The following NIT1 variants were observed in gnomAD, a reference collection of about 807,000 sequenced individuals.
NIT1 encodes the protein deaminated glutathione amidase.
In NIT1, 30 loss-of-function variants were observed where a neutral mutation model predicts 36.8. That is an observed-to-expected ratio of 0.82 (90% confidence interval 0.61 to 1.11). The LOEUF is 1.11. Among genes scored for constraint, NIT1 ranks in the 50% least tolerant of loss-of-function variants. NIT1 has a pLI of 0.00. For synonymous variants in NIT1, 151 were observed against 155.6 expected (o/e 0.97, Z 0.22); for missense variants, 438 against 410.6 (o/e 1.07, Z -0.58).
chr1:161,124,772 G>A (rs921819848), downstream of NIT1: 3 of 279,908 alleles, frequency 1.1e-5, no homozygotes, highest in East Asian at 2.2e-4. Flanking sequence ...GACCAGCCTG[G>A]GCAACATAGG....
Position 161,120,223 on chromosome 1 carries a change from C to T in NIT1, c.708C>T (p.Ala236=), listed in dbSNP as rs751864025. ...PSAFGSITGP[A]HWEVLLRARA... ...CTTTTGGATCCATTACAGGCCCAGC[C>T]CACTGGGAGGTAAGATGATGCCTTT... is the stretch of plus-strand genomic sequence containing the variant. The change falls in exon 6 of 7, where the codon GCC becomes GCT. Residue 236 remains alanine (A), a synonymous_variant. Transcript: ENST00000368009. 2.5e-6 allele frequency: 4 copies of T among 1,614,046 alleles called. No homozygotes were observed. Among genetic ancestry groups the T allele is most frequent in the Non-Finnish European group, 3.4e-6 (4 of 1,179,986 alleles).
At position 161,120,865 on chromosome 1, in the gene NIT1, C is replaced by T; in HGVS notation, c.*100C>T. The T allele has an allele frequency of 6.7e-7, 1 of 1,497,638 alleles. No individual in the cohort carries two copies. The highest frequency in any genetic ancestry group is 8.9e-7 in the Non-Finnish European group (1 of 1,128,854). 92.8% of individuals were successfully genotyped at this position (1,497,638 alleles called of 1,614,324 possible). The stretch of plus-strand genomic sequence containing the variant: ...TGGAGGCAGGATCCAGGCACAGCTC[C>T]CCTCACTTGGAGAACCTTGACTCTC... On this transcript the variant is annotated 3_prime_UTR_variant, in exon 7 of 7. Transcript: ENST00000368009.
At chr1:161,124,654 G>T, downstream of NIT1, 1 of 1,251,092 alleles carries the variant, frequency 8.0e-7, no homozygotes, top group Non-Finnish European at 1.0e-6. Context: ...TTAAATTTTT[G>T]AAGTGTTTGT....
chr1:161,123,091 C>T, downstream of NIT1: 1 of 1,614,184 alleles, frequency 6.2e-7, no homozygotes, highest in South Asian at 1.1e-5. Context: ...TCTGCTTCTC[C>T]TTGGGATCTG....
chr1:161,123,351 CAT>C (rs1161023991), downstream of NIT1: 12 of 916,360 alleles, frequency 1.3e-5, no homozygotes, highest in East Asian at 5.3e-5. Flanking sequence ...CTTGAAAAGA[CAT>C]GTGAGACCAG....
At chr1:161,123,374 T>G (rs1410031087), downstream of NIT1, among the ~76,000 whole-genome samples, 1 of 152,182 alleles carries the variant, frequency 6.6e-6, no homozygotes, top group Non-Finnish European at 1.5e-5. Context: ...GTGCAGTGGC[T>G]CACGCCTGTA....
chr1:161,118,859 T>C lies in NIT1; in HGVS notation c.76T>C (p.Ser26Pro). The change falls in exon 2 of 7, where the codon TCA (serine) becomes CCA (proline). Residue 26 changes from serine to proline, a missense_variant. Coordinates refer to ENST00000368009, the MANE Select transcript of NIT1 (RefSeq NM_005600.3). ...TCCTGGACTCCGGATACCTCAACTC[T>C]CAGTACTTTGTGCTCAGCCCAGGTA... is the stretch of plus-strand genomic sequence containing the variant. ...LCPGLRIPQL[S>P]VLCAQPRPRA... 2 of 1,613,928 alleles carry C rather than the reference T, an allele frequency of 1.2e-6. No homozygotes were observed. The highest frequency in any genetic ancestry group is 1.7e-6 in the Non-Finnish European group (2 of 1,179,830).
downstream of NIT1, chr1:161,124,458 G>A (rs200598673): frequency 5.9e-5 from 94 of 1,599,814 alleles, no homozygotes; most frequent in East Asian, 1.3e-3. Flanking sequence ...CTTTAGGCCC[G>A]CCATGCTGGG....
intron 1 of NIT1, chr1:161,118,417 GA>G (rs1274369482): frequency 1.3e-6 from 2 of 1,535,076 alleles, no homozygotes; most frequent in Non-Finnish European, 1.7e-6. Context: ...GGTGAAAGGG[GA>G]AATATGCTTC....
chr1:161,123,366 G>T, downstream of NIT1: 4 of 824,454 alleles, frequency 4.9e-6, no homozygotes, highest in South Asian at 3.5e-5. Flanking sequence ...GAGACCAGGT[G>T]CAGTGGCTCA....
downstream of NIT1, chr1:161,122,916 G>A: frequency 7.4e-7 from 1 of 1,343,238 alleles, no homozygotes. The surrounding 1 kb of genome is among the most constrained non-coding windows in gnomAD (Gnocchi z 4.2). Context: ...CAATCATAAA[G>A]AGCAGTTCTT....
At chr1:161,122,865 G>T, downstream of NIT1, 1 of 880,496 alleles carries the variant, frequency 1.1e-6, no homozygotes, top group Non-Finnish European at 1.8e-6. The surrounding 1 kb of genome is among the most constrained non-coding windows in gnomAD (Gnocchi z 4.2). Context: ...ACATCCCTGT[G>T]ATGTAGTATT....
chr1:161,123,480 C>CA (rs1420842862), downstream of NIT1, among the ~76,000 whole-genome samples: 3 of 151,982 alleles, frequency 2.0e-5, no homozygotes, highest in East Asian at 5.8e-4. Context: ...TCTAAAAATA[C>CA]AAAAAATTAG....
At chr1:161,119,664 A>C (rs1557971292) in intron 4 of NIT1, 52 bp downstream of exon 4, 2 of 1,591,916 alleles carry the variant, frequency 1.3e-6, no homozygotes, top group Non-Finnish European at 1.7e-6. Context: ...TTCTACCTAG[A>C]TTCTCCAGAA....
Position 161,121,135 on chromosome 1 carries a change from G to T in NIT1, c.*370G>T. On this transcript the variant is annotated 3_prime_UTR_variant, in exon 7 of 7. Transcript: ENST00000368009. Reference sequence around the variant, plus strand: ...ATTGTACCAGCTGGACTAAGCTCCAGTTCTAGACCTCCTGGCTCATTCAAC... The same window carrying T: ...ATTGTACCAGCTGGACTAAGCTCCATTTCTAGACCTCCTGGCTCATTCAAC... 2 of 1,087,174 alleles carry T rather than the reference G, an allele frequency of 1.8e-6. No individual in the cohort carries two copies. 67.3% of individuals were successfully genotyped at this position (1,087,174 alleles called of 1,614,324 possible).
chr1:161,123,777 G>A (rs917546503), downstream of NIT1: 1 of 1,419,724 alleles, frequency 7.0e-7, no homozygotes, highest in South Asian at 1.2e-5. Flanking sequence ...AGCCCAGAAT[G>A]TGATGGGATC....
At chr1:161,124,572 C>G, downstream of NIT1, 4 of 1,488,846 alleles carry the variant, frequency 2.7e-6, no homozygotes, top group South Asian at 5.5e-5. Flanking sequence ...AGGGCAGGAA[C>G]TAGTCTCATG....
At chr1:161,122,043 G>T (rs980978137), downstream of NIT1, 2 of 1,316,248 alleles carry the variant, frequency 1.5e-6, no homozygotes, top group Non-Finnish European at 2.0e-6. This position sits in a 1 kb window ranked among gnomAD's most constrained non-coding sequence, Gnocchi z 4.2. Flanking sequence ...AAAAAAAAAG[G>T]CAGGGGTGTG....
chr1:161,118,770 A>G lies in NIT1; in HGVS notation c.3-16A>G. 4.4e-6 allele frequency: 7 copies of G among 1,594,960 alleles called. No individual in the cohort carries two copies. Among genetic ancestry groups the G allele is most frequent in the Non-Finnish European group, 6.0e-6 (7 of 1,162,666 alleles). The stretch of plus-strand genomic sequence containing the variant: ...TTGAAGAAGGGGTTGGTGTCCTCAT[A>G]TCTCACCTTCCTCAGGCTGGGCTTC... On this transcript the variant is annotated splice_polypyrimidine_tract_variant and intron_variant, in intron 1 of 6. Coordinates refer to ENST00000368009, the MANE Select transcript of NIT1 (RefSeq NM_005600.3).
Sources: gnomAD v4.1 joint callset for allele counts (sites outside exome capture counted in the v4.1 genomes callset) on GRCh38, gnomAD v4.1.1 for gene constraint, Gnocchi (gnomAD v3.1) non-coding constraint, MANE v1.5 for transcripts, NCBI Gene and HGNC (gene_info 2026-07-23, HGNC 2026-07-21) for gene names.